The following PPP1R1C variants were observed in gnomAD, a reference collection of about 807,000 sequenced individuals.
PPP1R1C encodes protein phosphatase 1 regulatory subunit 1C.
Under a neutral mutation model 17.4 loss-of-function variants are expected in PPP1R1C, and 15 were observed. That is an observed-to-expected ratio of 0.86 (90% CI 0.58 to 1.33). The LOEUF is 1.33. Among genes scored for constraint, PPP1R1C ranks in the 40% most tolerant of loss-of-function variants. The pLI, the probability that PPP1R1C is intolerant of heterozygous loss-of-function variation, is 0.00. For missense variants in PPP1R1C, 143 were observed against 130.0 expected (o/e 1.10, Z -0.48); for synonymous variants, 35 against 43.1 (o/e 0.81, Z 0.73).
In PPP1R1C at chr2:182,072,045, C is replaced by A. The variant is rs151007181; in HGVS notation, c.241+8254C>A. 1.9e-3 allele frequency among the ~76,000 whole-genome samples: 283 copies of A among 152,310 alleles called. 1 individual carries two copies. The highest frequency in any genetic ancestry group is 6.0e-3 in the African/African-American group (248 of 41,574). Reference sequence around the variant, plus strand: ...TCTACAAAATATATGTGTGAATAAGCATGTGGTTGCTAAAAATGGAGAAAT... The same window carrying A: ...TCTACAAAATATATGTGTGAATAAGAATGTGGTTGCTAAAAATGGAGAAAT... On this transcript the variant is annotated intron_variant, in intron 4 of 4. Transcript: ENST00000682840.
intron 2 of PPP1R1C, among the ~76,000 whole-genome samples, chr2:182,011,215 G>A (rs996545571): frequency 4.6e-5 from 7 of 151,798 alleles, no homozygotes; most frequent in East Asian, 1.9e-4. Context: ...TTTAAATGAC[G>A]GGTAAAATTC....
intron 4 of PPP1R1C, among the ~76,000 whole-genome samples, chr2:182,075,980 AAAATT>A (rs1417219820): frequency 6.6e-6 from 1 of 152,036 alleles, no homozygotes; most frequent in Non-Finnish European, 1.5e-5. Flanking sequence ...CAAAAATAAA[AAAATT>A]AAAGTAGTTT....
rs2125208073 is a variant in PPP1R1C, at chr2:182,075,409, C to G, written c.241+11618C>G. Among the ~76,000 whole-genome samples, 2 of 152,242 alleles carry G rather than the reference C, an allele frequency of 1.3e-5. 1 individual carries two copies. Among genetic ancestry groups the G allele is most frequent in the South Asian group, 4.1e-4 (2 of 4,826 alleles). ...TATCATTTGCCTTCTGAATCTGAGG[C>G]CATCAGCAGCCTATTACTAAATATT... is the stretch of plus-strand genomic sequence containing the variant. On this transcript the variant is annotated intron_variant, in intron 4 of 4. Coordinates refer to ENST00000682840, the MANE Select transcript of PPP1R1C (RefSeq NM_001080545.3).
intron 4 of PPP1R1C, among the ~76,000 whole-genome samples, chr2:182,067,249 A>G (rs1021870514): frequency 1.3e-5 from 2 of 152,108 alleles, no homozygotes; most frequent in Non-Finnish European, 2.9e-5. Context: ...TTCTAAGTCA[A>G]ACAGACTTCT....
downstream of PPP1R1C, among the ~76,000 whole-genome samples, chr2:182,119,834 A>C (rs1160473995): frequency 1.3e-5 from 2 of 152,114 alleles, no homozygotes; most frequent in Non-Finnish European, 2.9e-5. Flanking sequence ...AGATTGCAAA[A>C]ATGTTCTCCC....
At chr2:182,038,305 C>T (rs1308421481) in intron 2 of PPP1R1C, among the ~76,000 whole-genome samples, 1 of 152,126 alleles carries the variant, frequency 6.6e-6, no homozygotes, top group Non-Finnish European at 1.5e-5. Context: ...TCCCAAACTG[C>T]TGAGATTATA....
intron 1 of PPP1R1C, among the ~76,000 whole-genome samples, chr2:181,965,812 T>G (rs1359635372): frequency 3.9e-5 from 6 of 152,196 alleles, no homozygotes; most frequent in Non-Finnish European, 8.8e-5. Context: ...ATATAAATTT[T>G]GGGATAGTTT....
chr2:182,090,750 A>G (rs1428675688), intron 4 of PPP1R1C, among the ~76,000 whole-genome samples: 1 of 152,222 alleles, frequency 6.6e-6, no homozygotes, highest in African/African-American at 2.4e-5. Context: ...GATAACTAGT[A>G]AGTTTTCCAA....
intron 4 of PPP1R1C, among the ~76,000 whole-genome samples, chr2:182,090,359 CAGAA>C (rs1275054677): frequency 1.3e-5 from 2 of 149,766 alleles, no homozygotes; most frequent in Non-Finnish European, 3.0e-5. Context: ...GAGAGAGAGA[CAGAA>C]AGAGATGAAG....
intron 5 of PPP1R1C, among the ~76,000 whole-genome samples, chr2:182,127,686 C>T (rs1364303794): frequency 1.3e-5 from 2 of 152,034 alleles, no homozygotes; most frequent in Non-Finnish European, 2.9e-5. Context: ...AACTGTGTCA[C>T]CGGACTATCC....
intron 4 of PPP1R1C, among the ~76,000 whole-genome samples, chr2:182,079,093 A>G (rs1398972820): frequency 6.6e-6 from 1 of 152,234 alleles, no homozygotes; most frequent in Non-Finnish European, 1.5e-5. Context: ...ACTCTACAGA[A>G]TTGTAGGTTC....
intron 2 of PPP1R1C, among the ~76,000 whole-genome samples, chr2:182,015,809 T>C (rs1352024865): frequency 2.0e-5 from 3 of 152,036 alleles, no homozygotes; most frequent in East Asian, 1.9e-4. Context: ...CTTTATTCTA[T>C]TGTCTGCTCT....
chr2:182,101,364 A>G (rs1315636642), intron 4 of PPP1R1C, among the ~76,000 whole-genome samples: 1 of 152,200 alleles, frequency 6.6e-6, no homozygotes, highest in Non-Finnish European at 1.5e-5. Context: ...TTATTATACT[A>G]ACAGTCCATT....
At chr2:182,049,643 C>A (rs1687450550) in intron 2 of PPP1R1C, among the ~76,000 whole-genome samples, 1 of 152,054 alleles carries the variant, frequency 6.6e-6, no homozygotes, top group Non-Finnish European at 1.5e-5. Flanking sequence ...TTTACCTTTT[C>A]CTCTGTGAGG....
intron 4 of PPP1R1C, among the ~76,000 whole-genome samples, chr2:182,087,283 G>C (rs559950249): frequency 8.5e-5 from 13 of 152,304 alleles, no homozygotes; most frequent in African/African-American, 7.2e-5. Flanking sequence ...GCTGTAGCCT[G>C]TGACCTGTCT....
At position 182,117,192 on chromosome 2, in the gene PPP1R1C, T is replaced by G. The variant is rs778128795; in HGVS notation, c.242-15T>G. The G allele has an allele frequency of 4.1e-5, 62 of 1,504,476 alleles. No individual in the cohort carries two copies. Among genetic ancestry groups the G allele is most frequent in the Non-Finnish European group, 5.2e-5 (58 of 1,112,368 alleles). 93.2% of individuals were successfully genotyped at this position (1,504,476 alleles called of 1,614,324 possible). A position where few individuals can be genotyped will look rare whatever the true frequency, so the allele number is the denominator to read the frequency against. ...TGAAAATCATTTAAATTTTGCATAATTTTTATAATTTCAGGGGTTAAGCAT... is the reference window on the plus strand; with the variant it reads ...TGAAAATCATTTAAATTTTGCATAAGTTTTATAATTTCAGGGGTTAAGCAT... On this transcript the variant is annotated splice_polypyrimidine_tract_variant and intron_variant, in intron 4 of 4. Coordinates refer to ENST00000682840, the MANE Select transcript of PPP1R1C (RefSeq NM_001080545.3).
downstream of PPP1R1C, among the ~76,000 whole-genome samples, chr2:182,122,211 G>A (rs968620890): frequency 7.2e-6 from 1 of 138,494 alleles, no homozygotes; most frequent in Non-Finnish European, 1.5e-5. Flanking sequence ...CCAAGGTAAG[G>A]GTATTTATAA....
intron 2 of PPP1R1C, among the ~76,000 whole-genome samples, chr2:182,025,288 A>T (rs1220018748): frequency 6.9e-6 from 1 of 145,072 alleles, no homozygotes; most frequent in Non-Finnish European, 1.5e-5. Context: ...TACATGTGCC[A>T]TGCTGGTGCG....
At chr2:182,095,302 T>TA (rs59292077) in intron 4 of PPP1R1C, among the ~76,000 whole-genome samples, 39,392 of 151,396 alleles carry the variant, frequency 0.26, 5,575 homozygotes, top group African/African-American at 0.38. Flanking sequence ...CCATCTCAAA[T>TA]AAAAAAATTA....
Sources: allele counts gnomAD v4.1 joint callset (sites outside exome capture counted in the v4.1 genomes callset), GRCh38; gene constraint gnomAD v4.1.1; transcripts MANE v1.5; gene names NCBI Gene and HGNC (gene_info 2026-07-23, HGNC 2026-07-21).